GLIS3: variants seen among roughly 807,000 people sequenced by gnomAD.
GLIS3 encodes GLIS family zinc finger 3, also known as zinc finger protein GLIS3.
GLIS3 carries 53 observed loss-of-function variants against 78.6 expected under a neutral mutation model. The ratio of observed to expected loss-of-function variants is 0.67; its 90% CI spans 0.54 to 0.85. The LOEUF (loss-of-function observed/expected upper bound fraction) is 0.85, where lower values mean the gene tolerates loss of function less well. GLIS3 is among the 40% of genes least tolerant of loss of function. The pLI is 0.00. For missense variants in GLIS3, 1,703 were observed against 1,231.1 expected (o/e 1.38, Z -5.74); for synonymous variants, 684 against 509.9 (o/e 1.34, Z -4.60).
the GLIS3 span, among the ~76,000 whole-genome samples, chr9:4,407,509 T>TGGTGGCGGGCGC: frequency 6.6e-6 from 1 of 151,814 alleles, no homozygotes; most frequent in East Asian, 1.9e-4. Context: ...TAGCCGGGCG[T>TGGTGGCGGGCGC]GGTGGCGGGC....
At chr9:4,182,034 T>A (rs1400721398) in intron 2 of GLIS3, among the ~76,000 whole-genome samples, 1 of 152,240 alleles carries the variant, frequency 6.6e-6, no homozygotes, top group Non-Finnish European at 1.5e-5. Context: ...CAAGTATAGC[T>A]TTATGAAGAT....
At chr9:4,456,921 C>T in the GLIS3 span, among the ~76,000 whole-genome samples, 1 of 152,132 alleles carries the variant, frequency 6.6e-6, no homozygotes, top group Non-Finnish European at 1.5e-5. Context: ...CACAGATCAC[C>T]ATAACAGATT....
At chr9:4,087,239 G>A (rs1027443871) in intron 4 of GLIS3, among the ~76,000 whole-genome samples, 2 of 152,148 alleles carry the variant, frequency 1.3e-5, no homozygotes, top group East Asian at 1.9e-4. Context: ...CTATAAAAAT[G>A]TATCAGCTGT....
intron 2 of GLIS3, among the ~76,000 whole-genome samples, chr9:4,335,606 A>G (rs1439834557): frequency 6.6e-6 from 1 of 152,172 alleles, no homozygotes; most frequent in African/African-American, 2.4e-5. Context: ...CCTAGCTTAC[A>G]CCTGGCATCT....
At chr9:4,096,841 G>A (rs1244436910) in intron 4 of GLIS3, among the ~76,000 whole-genome samples, 1 of 152,056 alleles carries the variant, frequency 6.6e-6, no homozygotes, top group South Asian at 2.1e-4. Context: ...GCAAAATTCC[G>A]TCTCTACTAA....
At chr9:4,327,347 G>A (rs1477277561) in intron 2 of GLIS3, among the ~76,000 whole-genome samples, 1 of 152,106 alleles carries the variant, frequency 6.6e-6, no homozygotes, top group East Asian at 1.9e-4. Context: ...AGGGGAAGAG[G>A]GAGGAGAGGA....
intron 2 of GLIS3, among the ~76,000 whole-genome samples, chr9:4,345,853 C>A (rs551388581): frequency 6.6e-6 from 1 of 152,124 alleles, no homozygotes; most frequent in Non-Finnish European, 1.5e-5. Flanking sequence ...GGGAATGACA[C>A]GTCTTTTTTT....
At chr9:4,018,801 G>C (rs558122581) in intron 4 of GLIS3, among the ~76,000 whole-genome samples, 2 of 152,298 alleles carry the variant, frequency 1.3e-5, no homozygotes, top group South Asian at 2.1e-4. Flanking sequence ...CACTGCAATG[G>C]AGGGAAAGAA....
intron 2 of GLIS3, among the ~76,000 whole-genome samples, chr9:4,172,697 A>C (rs149518200): frequency 9.8e-5 from 15 of 152,342 alleles, no homozygotes; most frequent in African/African-American, 3.6e-4. Context: ...TCCTCTCCAC[A>C]GGTTAGGGTG....
chr9:4,487,403 G>T, the GLIS3 span, among the ~76,000 whole-genome samples: 2 of 152,108 alleles, frequency 1.3e-5, no homozygotes, highest in African/African-American at 2.4e-5. Context: ...CCTCCATGAG[G>T]TAAAGATAAT....
At chr9:4,134,339 C>T (rs1833231656) in intron 2 of GLIS3, among the ~76,000 whole-genome samples, 1 of 152,112 alleles carries the variant, frequency 6.6e-6, no homozygotes, top group Non-Finnish European at 1.5e-5. Flanking sequence ...AAATCAATGC[C>T]TAATATAAAA....
intron 2 of GLIS3, among the ~76,000 whole-genome samples, chr9:4,184,219 C>A (rs974967057): frequency 5.3e-5 from 8 of 152,146 alleles, no homozygotes; most frequent in Non-Finnish European, 8.8e-5. Context: ...GAGGGCATGG[C>A]TTAAGCACAA....
intron 4 of GLIS3, among the ~76,000 whole-genome samples, chr9:4,058,250 G>A (rs1033244614): frequency 4.6e-5 from 7 of 150,786 alleles, no homozygotes; most frequent in African/African-American, 1.5e-4. Context: ...TTTTTTTTTG[G>A]CTTTGCTTTT....
chr9:4,303,173 C>A (rs1817136941), upstream of GLIS3, among the ~76,000 whole-genome samples: 3 of 152,086 alleles, frequency 2.0e-5, no homozygotes, highest in Admixed American at 6.6e-5. Flanking sequence ...CCTCCTCCCA[C>A]AAAGTGTCCG....
intron 2 of GLIS3, among the ~76,000 whole-genome samples, chr9:4,187,664 T>C (rs150420220): frequency 0.036 from 5,431 of 152,274 alleles, 319 homozygotes; most frequent in African/African-American, 0.12. Flanking sequence ...TATCCTCTTT[T>C]ATTTCACTGA....
intron 7 of GLIS3, among the ~76,000 whole-genome samples, chr9:3,897,856 T>C (rs1822974440): frequency 6.6e-6 from 1 of 152,210 alleles, no homozygotes. Context: ...CTGCCAAACC[T>C]GGCTCTGGAA....
At chr9:4,327,762 GCAGTAGCA>G (rs1183876336) in intron 2 of GLIS3, among the ~76,000 whole-genome samples, 1 of 152,212 alleles carries the variant, frequency 6.6e-6, no homozygotes, top group Non-Finnish European at 1.5e-5. Flanking sequence ...TGTGGCATGA[GCAGTAGCA>G]CAGTAGGCAA....
intron 2 of GLIS3, among the ~76,000 whole-genome samples, chr9:4,183,199 G>A (rs1817485780): frequency 1.3e-5 from 2 of 152,172 alleles, no homozygotes; most frequent in Non-Finnish European, 1.5e-5. Flanking sequence ...GCTGAAGCCA[G>A]GTGGTAGATA....
In GLIS3 at chr9:4,289,546, C is replaced by G. The variant is rs542635821; in HGVS notation, c.-98-3023G>C. Among the ~76,000 whole-genome samples the G allele has an allele frequency of 2.8e-4, 42 of 152,246 alleles. No homozygotes were observed. In the East Asian group the frequency reaches 6.9e-3, roughly 25 times the overall value. On this transcript the variant is annotated intron_variant, in intron 1 of 10. Transcript: ENST00000381971. The stretch of plus-strand genomic sequence containing the variant: ...CAACTAATCACTGTCAAAAACTTAA[C>G]TGACAGGATTCCATCGGAAGAGCAC...
Sources: gnomAD v4.1 joint callset for allele counts (sites outside exome capture counted in the v4.1 genomes callset) on GRCh38, gnomAD v4.1.1 for gene constraint, MANE v1.5 for transcripts, NCBI Gene and HGNC (gene_info 2026-07-23, HGNC 2026-07-21) for gene names.